DCLK3: variants seen among roughly 807,000 people sequenced by gnomAD.
DCLK3 encodes the protein doublecortin like kinase 3, also known as serine/threonine-protein kinase DCLK3.
In DCLK3, 30 loss-of-function variants were observed where a neutral mutation model predicts 46.4. The ratio of observed to expected loss-of-function variants is 0.65; its 90% CI spans 0.48 to 0.88. DCLK3 has a LOEUF of 0.88. Among genes scored for constraint, DCLK3 ranks in the 40% least tolerant of loss-of-function variants. The pLI is 0.00. For missense variants in DCLK3, 846 were observed against 907.1 expected, an observed-to-expected ratio of 0.93 and a Z score of 0.87; for synonymous variants, 401 against 339.2, an observed-to-expected ratio of 1.18 and a Z score of -2.00.
At chr3:36,749,525 C>A (rs1023682009) in intron 1 of DCLK3, among the ~76,000 whole-genome samples, 1 of 152,230 alleles carries the variant, frequency 6.6e-6, no homozygotes, top group Non-Finnish European at 1.5e-5. Flanking sequence ...GCAGATCGAT[C>A]TCATTTCTAC....
At chr3:36,717,864 C>G (rs1701004393) in intron 4 of DCLK3, 146 bp downstream of exon 4, 1 of 1,094,418 alleles carries the variant, frequency 9.1e-7, no homozygotes, top group Non-Finnish European at 1.3e-6. Flanking sequence ...CTACACAAAC[C>G]TACATGAAGC....
chr3:36,753,736 C>G (rs1287762180), intron 1 of DCLK3, among the ~76,000 whole-genome samples: 1 of 152,134 alleles, frequency 6.6e-6, no homozygotes, highest in Non-Finnish European at 1.5e-5. Flanking sequence ...GTGGTGCCAT[C>G]ATGGCTCACT....
At chr3:36,727,014 C>T (rs912978115) in intron 2 of DCLK3, among the ~76,000 whole-genome samples, 20 of 152,016 alleles carry the variant, frequency 1.3e-4, no homozygotes, top group Admixed American at 4.6e-4. Flanking sequence ...TGGCCAGGCA[C>T]AGTGGCTCAT....
intron 1 of DCLK3, among the ~76,000 whole-genome samples, chr3:36,753,693 T>A (rs1701462884): frequency 6.6e-6 from 1 of 152,158 alleles, no homozygotes; most frequent in Non-Finnish European, 1.5e-5. Flanking sequence ...TTATTTATTT[T>A]GAGATAGGGT....
intron 2 of DCLK3, among the ~76,000 whole-genome samples, chr3:36,730,918 T>C (rs1279618702): frequency 6.6e-6 from 1 of 151,802 alleles, no homozygotes; most frequent in African/African-American, 2.4e-5. Flanking sequence ...GGGGCATGCA[T>C]GGTTTGATGT....
At position 36,737,579 on chromosome 3, in the gene DCLK3, C is replaced by G; in HGVS notation, c.1588G>C (p.Val530Leu). Residue 530 changes from valine (V) to leucine (L), a missense_variant, in exon 2 of 5, where the codon GTC becomes CTC. Transcript: ENST00000636136. The surrounding 1 kb of genome is among the most constrained non-coding windows in gnomAD (Gnocchi z 4.4). ...ACAGCAAAGTTCCCATCCCCAATGA[C>G]CCGGCCAGTCTCATAATGCTTTTCC... ...NVEKHYETGR[V>L]IGDGNFAVVK... 6.2e-7 allele frequency: 1 copy of G among 1,614,186 alleles called. No homozygotes were observed. The highest frequency in any genetic ancestry group is 1.1e-5 in the South Asian group (1 of 91,088).
At chr3:36,739,539 T>C (rs890851407) in intron 1 of DCLK3, among the ~76,000 whole-genome samples, 1 of 152,216 alleles carries the variant, frequency 6.6e-6, no homozygotes, top group African/African-American at 2.4e-5. Flanking sequence ...GTTTCCGCTT[T>C]TGCATCTTCC....
intron 1 of DCLK3, among the ~76,000 whole-genome samples, chr3:36,760,665 C>G (rs988987523): frequency 1.3e-5 from 2 of 151,966 alleles, no homozygotes; most frequent in African/African-American, 4.8e-5. Context: ...AACTTAGGAG[C>G]TAGGGAGAAA....
At chr3:36,751,345 G>A (rs1203788756) in intron 1 of DCLK3, among the ~76,000 whole-genome samples, 1 of 152,222 alleles carries the variant, frequency 6.6e-6, no homozygotes, top group African/African-American at 2.4e-5. Flanking sequence ...CCTCACTGCT[G>A]TGGGAATCTG....
Position 36,718,187 on chromosome 3 carries a change from C to G in DCLK3, c.2093-10G>C, listed in dbSNP as rs567135963. The G allele has an allele frequency of 3.4e-5, 55 of 1,613,634 alleles. 1 individual carries two copies. The Middle Eastern group carries it at 8.8e-4, about 26-fold the overall frequency. ...ACCTCCAGTCCATAACCTGCGCAGA[C>G]AGAGGCAGAGACACAAGCAAACCTG... On this transcript the variant is annotated splice_polypyrimidine_tract_variant and intron_variant, in intron 3 of 4. Coordinates refer to ENST00000636136, the MANE Select transcript of DCLK3 (RefSeq NM_001394672.2).
At chr3:36,728,556 CT>C (rs1701153558) in intron 2 of DCLK3, among the ~76,000 whole-genome samples, 1 of 152,146 alleles carries the variant, frequency 6.6e-6, no homozygotes, top group Non-Finnish European at 1.5e-5. Context: ...CCTCCTCCCC[CT>C]CCTCCTGGGA....
chr3:36,761,868 C>A (rs1393287572), intron 1 of DCLK3, among the ~76,000 whole-genome samples: 3 of 152,188 alleles, frequency 2.0e-5, no homozygotes, highest in East Asian at 3.8e-4. Flanking sequence ...CAAAGCAGCC[C>A]TTTTCCTCCC....
chr3:36,728,434 A>C (rs981979047), intron 2 of DCLK3, among the ~76,000 whole-genome samples: 2 of 152,196 alleles, frequency 1.3e-5, no homozygotes, highest in African/African-American at 2.4e-5. Flanking sequence ...GACCAAGTGC[A>C]GAAGATCTGC....
intron 2 of DCLK3, among the ~76,000 whole-genome samples, chr3:36,733,273 A>G (rs113196902): frequency 5.8e-4 from 89 of 152,288 alleles, no homozygotes; most frequent in African/African-American, 2.1e-3. Flanking sequence ...TGAACATCCT[A>G]TATGCTAGTG....
intron 2 of DCLK3, among the ~76,000 whole-genome samples, chr3:36,724,215 G>C (rs1322786264): frequency 6.6e-6 from 1 of 152,176 alleles, no homozygotes; most frequent in Non-Finnish European, 1.5e-5. Flanking sequence ...CAGTTGAAAT[G>C]GCTGTATTTA....
At chr3:36,761,264 G>A (rs1701536976) in intron 1 of DCLK3, among the ~76,000 whole-genome samples, 1 of 152,204 alleles carries the variant, frequency 6.6e-6, no homozygotes. Context: ...ATGAGTCCAT[G>A]AAAATATTTC....
rs1474214241 is a variant in DCLK3 at position 36,737,387 on chromosome 3, T to C, written c.1780A>G (p.Met594Val). The C allele has an allele frequency of 7.4e-6, 12 of 1,614,240 alleles. No individual in the cohort carries two copies. The highest frequency in any genetic ancestry group is 6.8e-6 in the Non-Finnish European group (8 of 1,180,042). ...VKLHEVYETDMEIYLILEYVQ... is the reference protein window; with the variant it reads ...VKLHEVYETDVEIYLILEYVQ... ...TACTCCAGGATCAGGTAGATTTCCA[T>C]GTCTGTTTCGTAGACTTCATGCAAT... The change falls in exon 2 of 5, where the codon ATG becomes GTG. Residue 594 changes from methionine to valine, a missense_variant. Met to Val is a conservative substitution (Grantham distance 21, BLOSUM62 1). Coordinates refer to ENST00000636136, the MANE Select transcript of DCLK3 (RefSeq NM_001394672.2). This position sits in a 1 kb window ranked among gnomAD's most constrained non-coding sequence, Gnocchi z 4.4.
At chr3:36,731,530 A>G (rs961234982) in intron 2 of DCLK3, among the ~76,000 whole-genome samples, 5 of 151,754 alleles carry the variant, frequency 3.3e-5, no homozygotes, top group African/African-American at 1.2e-4. Flanking sequence ...TCCACCTTCC[A>G]TTCTATCCTA....
chr3:36,715,661 C>T (rs990184563), intron 4 of DCLK3, 140 bp from the exon 5 acceptor site: 3 of 811,692 alleles, frequency 3.7e-6, no homozygotes, highest in Middle Eastern at 2.7e-4. Context: ...TAGAGCAGCA[C>T]AGTCCAATAG....
Sources: allele counts gnomAD v4.1 joint callset (sites outside exome capture counted in the v4.1 genomes callset), GRCh38; gene constraint gnomAD v4.1.1; non-coding constraint Gnocchi (gnomAD v3.1); transcripts MANE v1.5; gene names NCBI Gene and HGNC (gene_info 2026-07-23, HGNC 2026-07-21).